SPHKAP: variants seen among roughly 807,000 people sequenced by gnomAD.
SPHKAP encodes A-kinase anchor protein SPHKAP.
Under a neutral mutation model 137.5 loss-of-function variants are expected in SPHKAP, and 67 were observed. That is an observed-to-expected ratio of 0.49 (90% CI 0.40 to 0.60). The LOEUF is 0.60. Among genes scored for constraint, SPHKAP ranks in the 20% least tolerant of loss-of-function variants. The pLI is 0.00. For missense variants in SPHKAP, 2,097 were observed against 2,069.3 expected (o/e 1.01, Z -0.26); for synonymous variants, 813 against 785.3 (o/e 1.04, Z -0.59).
At chr2:228,001,344 T>G (rs1693864232) in intron 7 of SPHKAP, among the ~76,000 whole-genome samples, 1 of 143,230 alleles carries the variant, frequency 7.0e-6, no homozygotes, top group African/African-American at 2.6e-5. Context: ...TATAAATATA[T>G]ATACACATAT....
At chr2:228,104,251 T>TTA (rs1303575255) in intron 3 of SPHKAP, among the ~76,000 whole-genome samples, 2 of 131,708 alleles carry the variant, frequency 1.5e-5, no homozygotes, top group African/African-American at 2.8e-5. Context: ...ATATTATATA[T>TTA]TATATATATC....
At chr2:227,989,768 G>C (rs1693346330) in intron 11 of SPHKAP, among the ~76,000 whole-genome samples, 2 of 123,012 alleles carry the variant, frequency 1.6e-5, no homozygotes, top group South Asian at 5.0e-4. Context: ...ACCATGCCTG[G>C]CTAATTTTTG....
chr2:228,017,158 C>T lies in SPHKAP; in HGVS notation c.3696G>A (p.Val1232=), dbSNP rs369462114. 6 of 1,613,868 alleles carry T rather than the reference C, an allele frequency of 3.7e-6. No individual in the cohort carries two copies. The highest frequency in any genetic ancestry group is 5.1e-6 in the Non-Finnish European group (6 of 1,179,998). ...CTGGCATGGACGACTGTCTGTGGCA[C>T]ACTGGGGATCGCAGAGAAGGAGACA... The part of the protein sequence containing the change: ...GLLSPSLRSP[V]CHRQSSMPDS... Residue 1232 remains valine (V), a synonymous_variant, in exon 7 of 12, where the codon GTG becomes GTA. Coordinates refer to ENST00000392056, the MANE Select transcript of SPHKAP (RefSeq NM_001142644.2).
At chr2:228,093,507 T>A (rs192207225) in intron 3 of SPHKAP, among the ~76,000 whole-genome samples, 150 of 152,134 alleles carry the variant, frequency 9.9e-4, no homozygotes, top group African/African-American at 3.5e-3. Flanking sequence ...AGTGAAAGAA[T>A]CCAGACACAA....
At chr2:228,149,293 A>G (rs1699862167) in intron 1 of SPHKAP, among the ~76,000 whole-genome samples, 6 of 152,344 alleles carry the variant, frequency 3.9e-5, no homozygotes, top group Admixed American at 3.3e-4. Context: ...GATCAATAGG[A>G]TATTACTTCA....
At chr2:228,100,784 C>T (rs913404535) in intron 3 of SPHKAP, among the ~76,000 whole-genome samples, 3 of 152,106 alleles carry the variant, frequency 2.0e-5, no homozygotes, top group South Asian at 2.1e-4. Flanking sequence ...TGTTTATCAG[C>T]GATGTTGGCA....
At chr2:228,089,792 T>C (rs1697661124) in intron 3 of SPHKAP, among the ~76,000 whole-genome samples, 1 of 152,170 alleles carries the variant, frequency 6.6e-6, no homozygotes, top group African/African-American at 2.4e-5. Flanking sequence ...TGTAAGCTGC[T>C]GTAAGCCTTG....
chr2:228,128,056 T>C (rs1224545138), intron 2 of SPHKAP, among the ~76,000 whole-genome samples: 2 of 152,184 alleles, frequency 1.3e-5, no homozygotes, highest in African/African-American at 4.8e-5. Context: ...TGGTGGACGC[T>C]GAAGGTTACA....
At chr2:228,179,275 T>C (rs1341910836) in intron 1 of SPHKAP, among the ~76,000 whole-genome samples, 1 of 152,220 alleles carries the variant, frequency 6.6e-6, no homozygotes, top group Non-Finnish European at 1.5e-5. Context: ...CAATTTGATA[T>C]TTGCTGATCA....
intron 7 of SPHKAP, among the ~76,000 whole-genome samples, chr2:228,011,079 G>T (rs1041448498): frequency 3.3e-5 from 5 of 152,152 alleles, no homozygotes; most frequent in African/African-American, 1.2e-4. Flanking sequence ...ACCTGAGATT[G>T]CTTTAAGGTA....
chr2:228,146,479 T>C (rs1473126488), intron 1 of SPHKAP, among the ~76,000 whole-genome samples: 1 of 152,188 alleles, frequency 6.6e-6, no homozygotes. Flanking sequence ...ATAGGTAAAC[T>C]CGTGTCACGG....
chr2:228,087,837 C>A (rs767881712), intron 3 of SPHKAP, among the ~76,000 whole-genome samples: 9 of 151,816 alleles, frequency 5.9e-5, no homozygotes, highest in Non-Finnish European at 1.3e-4. Context: ...ATGGGAATAT[C>A]AGAGAGAGAG....
chr2:227,984,160 C>A (rs1014197322), intron 11 of SPHKAP, among the ~76,000 whole-genome samples: 2 of 151,828 alleles, frequency 1.3e-5, no homozygotes, highest in Non-Finnish European at 2.9e-5. Flanking sequence ...ATTAACCGGG[C>A]GTCGTGGCAT....
chr2:228,126,693 C>G (rs1243504346), intron 2 of SPHKAP, among the ~76,000 whole-genome samples: 2 of 152,146 alleles, frequency 1.3e-5, no homozygotes, highest in Non-Finnish European at 2.9e-5. Flanking sequence ...CATCCTAGCT[C>G]TGGGGAAAGG....
In SPHKAP at chr2:228,000,786, CT is replaced by C. The variant is rs1206560468; in HGVS notation, c.4449-5093del. Among the ~76,000 whole-genome samples, 3 of 152,052 alleles carry C rather than the reference CT, an allele frequency of 2.0e-5. No individual in the cohort carries two copies. The East Asian group carries it at 5.8e-4, about 29-fold the overall frequency. ...GATGTACCACAATTTATCCATTTACCTACTGAAGAATCCCCTGTTGCTTCTA... is the reference window on the plus strand; with the variant it reads ...GATGTACCACAATTTATCCATTTACCACTGAAGAATCCCCTGTTGCTTCTA... On this transcript the variant is annotated intron_variant, in intron 7 of 11. Transcript: ENST00000392056.
intron 7 of SPHKAP, among the ~76,000 whole-genome samples, chr2:228,009,312 T>G (rs114586721): frequency 0.017 from 2,572 of 152,296 alleles, 34 homozygotes; most frequent in Non-Finnish European, 0.026. Context: ...ATGATTTGCT[T>G]TTAATAATTT....
intron 7 of SPHKAP, among the ~76,000 whole-genome samples, chr2:228,004,755 T>C (rs1255142818): frequency 6.6e-6 from 1 of 152,246 alleles, no homozygotes; most frequent in Non-Finnish European, 1.5e-5. Context: ...TGGTATGTTG[T>C]GTCTTTGTTC....
chr2:228,167,061 C>T (rs1037794526), intron 1 of SPHKAP, among the ~76,000 whole-genome samples: 1 of 152,090 alleles, frequency 6.6e-6, no homozygotes, highest in Non-Finnish European at 1.5e-5. Context: ...CATGAAAAAC[C>T]CGGCCCCATG....
rs1467681966 is a variant in SPHKAP at position 228,018,228 on chromosome 2, C to T, written c.2626G>A (p.Glu876Lys). Residue 876 changes from glutamate to lysine, a missense_variant, in exon 7 of 12, where the codon GAG (glutamate) becomes AAG (lysine). Coordinates refer to ENST00000392056, the MANE Select transcript of SPHKAP (RefSeq NM_001142644.2). ...TGGGTGTTTGGGTGGATACTCTCCT[C>T]AGCCTCCTGGGAACCACTTCTGGAC... ...SQSRSGSQEA[E>K]ESIHPNTQEK... The T allele has an allele frequency of 6.2e-7, 1 of 1,614,156 alleles. No homozygotes were observed. The highest frequency in any genetic ancestry group is 1.1e-5 in the South Asian group (1 of 91,080).
Sources: gnomAD v4.1 joint callset for allele counts (sites outside exome capture counted in the v4.1 genomes callset) on GRCh38, gnomAD v4.1.1 for gene constraint, MANE v1.5 for transcripts, NCBI Gene and HGNC (gene_info 2026-07-23, HGNC 2026-07-21) for gene names.